Variants in CYP3A43 observed in about 807,000 individuals in gnomAD.
The protein encoded by CYP3A43 is cytochrome P450 3A43.
CYP3A43 carries 45 observed loss-of-function variants against 58.0 expected under a neutral mutation model. That is an observed-to-expected ratio of 0.78 (90% confidence interval 0.61 to 0.99). The LOEUF (loss-of-function observed/expected upper bound fraction) is 0.99, where lower values mean the gene tolerates loss of function less well. CYP3A43 is among the 50% of genes least tolerant of loss of function. The probability of loss-of-function intolerance (pLI) is 0.00; values close to 1 mark genes in which losing one functional copy is unlikely to be tolerated. For synonymous variants in CYP3A43, 191 were observed against 201.4 expected, an observed-to-expected ratio of 0.95 and a Z score of 0.44; for missense variants, 593 against 591.9, an observed-to-expected ratio of 1.00 and a Z score of -0.02.
chr7:99,862,345 C>T (rs1235619029), intron 11 of CYP3A43, among the ~76,000 whole-genome samples: 4 of 152,106 alleles, frequency 2.6e-5, no homozygotes, highest in East Asian at 1.9e-4. Context: ...TGCTGTTTTC[C>T]GTAATGTAAC....
chr7:99,850,712 T>C (rs1005243003), intron 7 of CYP3A43, among the ~76,000 whole-genome samples: 1 of 152,234 alleles, frequency 6.6e-6, no homozygotes, highest in Non-Finnish European at 1.5e-5. Flanking sequence ...TCTCTAGATT[T>C]GCCTAATCTA....
intron 5 of CYP3A43, 38 bp from the exon 6 acceptor site, chr7:99,848,128 A>G (rs2151607639): frequency 6.2e-7 from 1 of 1,600,682 alleles, no homozygotes; most frequent in Non-Finnish European, 8.6e-7. Flanking sequence ...CTGAGACTCG[A>G]GTCTGCGTAG....
intron 1 of CYP3A43, among the ~76,000 whole-genome samples, chr7:99,834,274 A>G: frequency 6.6e-6 from 1 of 152,276 alleles, no homozygotes; most frequent in South Asian, 2.1e-4. Context: ...CGGTACCCCC[A>G]TGACCTTTCT....
At chr7:99,841,563 A>T (rs1204683424) in intron 3 of CYP3A43, among the ~76,000 whole-genome samples, 1 of 151,998 alleles carries the variant, frequency 6.6e-6, no homozygotes, top group Non-Finnish European at 1.5e-5. Flanking sequence ...ATGCCCAGCT[A>T]ATTTTTGTAT....
intron 10 of CYP3A43, 33 bp from the exon 11 acceptor site, chr7:99,861,580 T>C: frequency 6.3e-7 from 1 of 1,592,020 alleles, no homozygotes. Context: ...ATTCCCAATC[T>C]CAATTTATCC....
chr7:99,863,720 A>G (rs1363794068), intron 12 of CYP3A43, 21 bp downstream of exon 12: 5 of 1,519,954 alleles, frequency 3.3e-6, no homozygotes, highest in Admixed American at 4.3e-5. Flanking sequence ...TTTCTTATAA[A>G]TAATGTTTAT....
chr7:99,863,175 C>A (rs1171707476), intron 11 of CYP3A43, among the ~76,000 whole-genome samples: 1 of 152,208 alleles, frequency 6.6e-6, no homozygotes, highest in East Asian at 1.9e-4. Context: ...CCACACACCA[C>A]CACAATCCTC....
intron 1 of CYP3A43, among the ~76,000 whole-genome samples, chr7:99,832,942 C>CAT (rs1223076364): frequency 6.6e-6 from 1 of 152,140 alleles, no homozygotes; most frequent in East Asian, 1.9e-4. Context: ...TGGACTAATA[C>CAT]ACCTAGAAAG....
chr7:99,849,426 G>C (rs1817661419), intron 6 of CYP3A43, 120 bp from the exon 7 acceptor site: 1 of 1,179,562 alleles, frequency 8.5e-7, no homozygotes, highest in African/African-American at 1.6e-5. Context: ...GCAGCAGATT[G>C]TTCTGATTGT....
intron 7 of CYP3A43, among the ~76,000 whole-genome samples, chr7:99,851,128 G>A (rs1432972323): frequency 6.6e-6 from 1 of 150,676 alleles, no homozygotes; most frequent in Middle Eastern, 3.4e-3. Flanking sequence ...TCGCACCACT[G>A]CACTCCAGCC....
chr7:99,860,009 G>A lies in CYP3A43; in HGVS notation c.1026+19G>A, dbSNP rs1228519265. The stretch of plus-strand genomic sequence containing the variant: ...CAATAAGGTAAGGGGATGATCCCCT[G>A]GAGAAGGAGGGAGAAGGTGAAGCCT... On this transcript the variant is annotated intron_variant, in intron 10 of 12. Coordinates refer to ENST00000354829, the MANE Select transcript of CYP3A43 (RefSeq NM_057095.3). The A allele has an allele frequency of 6.5e-7, 1 of 1,547,258 alleles. No homozygotes were observed. The highest frequency in any genetic ancestry group is 8.7e-7 in the Non-Finnish European group (1 of 1,150,482).
chr7:99,847,557 C>A lies in CYP3A43; in HGVS notation c.388C>A (p.Arg130=). ...TGAAGATGAAGAATGGAAGAGAATA[C>A]GAACATTGCTATCTCCAGCTTTCAC... ...FAEDEEWKRI[R]TLLSPAFTSV... The change falls in exon 5 of 13, where the codon CGA becomes AGA. Residue 130 remains arginine, a synonymous_variant. Transcript: ENST00000354829. 1 of 1,613,644 alleles carries A rather than the reference C, an allele frequency of 6.2e-7. No homozygotes were observed. Among genetic ancestry groups the A allele is most frequent in the Non-Finnish European group, 8.5e-7 (1 of 1,179,842 alleles).
chr7:99,855,918 TTAA>T (rs1817960312), intron 8 of CYP3A43, among the ~76,000 whole-genome samples, 200 bp downstream of exon 8: 1 of 152,212 alleles, frequency 6.6e-6, no homozygotes, highest in Non-Finnish European at 1.5e-5. Flanking sequence ...CATTTGGAAT[TTAA>T]TAATAGGCAT....
chr7:99,849,470 C>A, intron 6 of CYP3A43, 76 bp from the exon 7 acceptor site: 1 of 1,493,922 alleles, frequency 6.7e-7, no homozygotes, highest in Non-Finnish European at 8.9e-7. Flanking sequence ...TCTGGCATAG[C>A]ACTTCTTGCT....
chr7:99,845,746 TC>T (rs940407971), intron 4 of CYP3A43, among the ~76,000 whole-genome samples: 2 of 151,896 alleles, frequency 1.3e-5, no homozygotes, highest in Non-Finnish European at 2.9e-5. Flanking sequence ...GAGGGATTAC[TC>T]CCACTTTATT....
chr7:99,863,210 A>G (rs934958797), intron 11 of CYP3A43, among the ~76,000 whole-genome samples: 3 of 152,234 alleles, frequency 2.0e-5, no homozygotes, highest in Admixed American at 1.3e-4. Flanking sequence ...GTTATCTTGA[A>G]GAAATAACCT....
intron 1 of CYP3A43, among the ~76,000 whole-genome samples, chr7:99,834,775 A>G (rs754033880): frequency 1.3e-5 from 2 of 152,186 alleles, no homozygotes; most frequent in Non-Finnish European, 2.9e-5. Context: ...TCATTGGGCA[A>G]TACAGTACTT....
At chr7:99,839,009 T>C in intron 2 of CYP3A43, 111 bp from the exon 3 acceptor site, 1 of 1,251,130 alleles carries the variant, frequency 8.0e-7, no homozygotes, top group Non-Finnish European at 1.1e-6. Flanking sequence ...CAGTAAATGG[T>C]AGCAAGCCTA....
intron 11 of CYP3A43, 27 bp downstream of exon 11, chr7:99,861,866 T>TGTA: frequency 1.3e-6 from 2 of 1,581,614 alleles, no homozygotes; most frequent in Non-Finnish European, 1.7e-6. Context: ...AAAGGAGCCT[T>TGTA]CCCTCAACCA....
Sources: gnomAD v4.1 joint callset for allele counts (sites outside exome capture counted in the v4.1 genomes callset) on GRCh38, gnomAD v4.1.1 for gene constraint, MANE v1.5 for transcripts, NCBI Gene and HGNC (gene_info 2026-07-23, HGNC 2026-07-21) for gene names.